ISM2: variants seen among roughly 807,000 people sequenced by gnomAD.
ISM2 encodes the protein isthmin-2.
ISM2 carries 50 observed loss-of-function variants against 58.0 expected under a neutral mutation model. That is an observed-to-expected ratio of 0.86 (90% CI 0.69 to 1.09). ISM2 has a LOEUF of 1.09. ISM2 is among the 50% of genes least tolerant of loss of function. The pLI, the probability that ISM2 is intolerant of heterozygous loss-of-function variation, is 0.00. For synonymous variants in ISM2, 303 were observed against 312.4 expected (o/e 0.97, Z 0.32); for missense variants, 723 against 745.0 (o/e 0.97, Z 0.34).
At chr14:77,482,714 G>A in intron 3 of ISM2, 47 bp from the exon 4 acceptor site, 3 of 1,205,516 alleles carry the variant, frequency 2.5e-6, no homozygotes, top group Non-Finnish European at 3.5e-6. Context: ...TCTTAGAGCT[G>A]CATTCCAAAG....
In ISM2 at chr14:77,476,918, A is replaced by G. The variant is rs141492710; in HGVS notation, c.1199-806T>C. 1.6e-4 allele frequency among the ~76,000 whole-genome samples: 24 copies of G among 152,248 alleles called. No individual in the cohort carries two copies. In the East Asian group the frequency reaches 4.6e-3, roughly 29 times the overall value. On this transcript the variant is annotated intron_variant, in intron 6 of 6. Transcript: ENST00000342219. ...CCGGGCTTGGTGGCGCATGCCTGTA[A>G]TCCCAGCTACTCGGGAGGCTGAGAC...
At position 77,478,562 on chromosome 14, in the gene ISM2, G is replaced by C; in HGVS notation, c.1114+13C>G. The C allele has an allele frequency of 6.2e-7, 1 of 1,609,254 alleles. No individual in the cohort carries two copies. On this transcript the variant is annotated intron_variant, in intron 5 of 6. Coordinates refer to ENST00000342219, the MANE Select transcript of ISM2 (RefSeq NM_199296.3). ...ACCAGCCACTCCTATGCAGGGGTAGGGGCTCATCTCACCAGGACAGGAGGG... is the reference window on the plus strand; with the variant it reads ...ACCAGCCACTCCTATGCAGGGGTAGCGGCTCATCTCACCAGGACAGGAGGG...
chr14:77,497,343 G>T (rs369608386), intron 1 of ISM2, among the ~76,000 whole-genome samples: 4 of 145,922 alleles, frequency 2.7e-5, no homozygotes, highest in African/African-American at 7.5e-5. Flanking sequence ...ACTCCAGCCT[G>T]GGCAACACAA....
At chr14:77,498,191 T>A in intron 1 of ISM2, 1 of 1,217,354 alleles carries the variant, frequency 8.2e-7, no homozygotes, top group Admixed American at 2.7e-5. Context: ...AGAGCCCCAC[T>A]GTGCCTCCGC....
rs766367870 is a variant in ISM2 at position 77,475,920 on chromosome 14, C to T, written c.1391G>A (p.Arg464His). ...CGCCGTGGGCTGGTAGATGTCCAGG[C>T]GCTCGCGAGGGCCACTGGCATCCCT... ...RWRDASGPRE[R>H]LDIYQPTARF... Residue 464 changes from arginine (R) to histidine (H), a missense_variant, in exon 7 of 7, where the codon CGC becomes CAC. Transcript: ENST00000342219. The surrounding 1 kb of genome is among the most constrained non-coding windows in gnomAD (Gnocchi z 4.1). The T allele has an allele frequency of 1.2e-5, 20 of 1,600,494 alleles. No homozygotes were observed. Among genetic ancestry groups the T allele is most frequent in the South Asian group, 4.4e-5 (4 of 91,048 alleles).
Position 77,475,995 on chromosome 14 carries a change from T to C in ISM2, c.1316A>G (p.Asp439Gly), listed in dbSNP as rs1285699264. ...CTCGTCCTGTAGGCTCACAGGGCTG[T>C]CCATGGCCTCCAGTGGGTAGGCACA... ...CPCAYPLEAM[D>G]SPVSLQDEHQ... Residue 439 changes from aspartate to glycine, a missense_variant, in exon 7 of 7, where the codon GAC (aspartate) becomes GGC (glycine). Transcript: ENST00000342219. This position sits in a 1 kb window ranked among gnomAD's most constrained non-coding sequence, Gnocchi z 4.1. 1 of 1,589,150 alleles carries C rather than the reference T, an allele frequency of 6.3e-7. No homozygotes were observed. Among genetic ancestry groups the C allele is most frequent in the Non-Finnish European group, 8.5e-7 (1 of 1,172,350 alleles).
chr14:77,498,081 C>A, intron 1 of ISM2: 1 of 340,850 alleles, frequency 2.9e-6, no homozygotes, highest in South Asian at 2.3e-5. Context: ...CCATGGCCAA[C>A]ACCACTCTTC....
chr14:77,475,819 T>C lies in ISM2; in HGVS notation c.1492A>G (p.Ser498Gly). ...CCCTTGCCACGGGTCAGCAGCCGGC[T>C]GTCCTCGTCATAGCAGCAGTGCTGG... ...AAQHCCYDED[S>G]RLLTRGKGAG... The change falls in exon 7 of 7, where the codon AGC (serine) becomes GGC (glycine). Residue 498 changes from serine (S) to glycine (G), a missense_variant. Ser to Gly is a moderately conservative substitution (Grantham distance 56, BLOSUM62 0). Coordinates refer to ENST00000342219, the MANE Select transcript of ISM2 (RefSeq NM_199296.3). The surrounding 1 kb of genome is among the most constrained non-coding windows in gnomAD (Gnocchi z 4.1). 6.2e-7 allele frequency: 1 copy of C among 1,612,734 alleles called. No individual in the cohort carries two copies. The highest frequency in any genetic ancestry group is 8.5e-7 in the Non-Finnish European group (1 of 1,179,722).
chr14:77,497,465 G>C (rs1167974271), intron 1 of ISM2, among the ~76,000 whole-genome samples: 1 of 151,206 alleles, frequency 6.6e-6, no homozygotes, highest in African/African-American at 2.4e-5. Context: ...CAGGAGGATT[G>C]CTTGAGGTCA....
At chr14:77,487,434 C>G (rs1327000254) in intron 1 of ISM2, among the ~76,000 whole-genome samples, 1 of 152,140 alleles carries the variant, frequency 6.6e-6, no homozygotes, top group African/African-American at 2.4e-5. Context: ...AGGACTAAGC[C>G]TAGCCCAGGC....
rs558966090 is a variant in ISM2, at chr14:77,490,292, C to T, written c.142-5373G>A. Among the ~76,000 whole-genome samples, 9 of 152,354 alleles carry T rather than the reference C, an allele frequency of 5.9e-5. No individual in the cohort carries two copies. In the South Asian group the frequency reaches 1.9e-3, roughly 32 times the overall value. On this transcript the variant is annotated intron_variant, in intron 1 of 6. Coordinates refer to ENST00000342219, the MANE Select transcript of ISM2 (RefSeq NM_199296.3). The stretch of plus-strand genomic sequence containing the variant: ...GATTACAGGCGTGAGCCACTGCACC[C>T]GGCCAAGAAGCCCAACATTTTCATT...
rs1256726952 is a variant in ISM2 at position 77,475,690 on chromosome 14, G to C, written c.1621C>G (p.His541Asp). 1.9e-6 allele frequency: 3 copies of C among 1,613,962 alleles called. No individual in the cohort carries two copies. Among genetic ancestry groups the C allele is most frequent in the African/African-American group, 1.3e-5 (1 of 74,946 alleles). The change falls in exon 7 of 7, where the codon CAC becomes GAC. Residue 541 changes from histidine to aspartate, a missense_variant. Physicochemically the swap from His to Asp is moderately conservative, Grantham distance 81 (BLOSUM62 -1). Coordinates refer to ENST00000342219, the MANE Select transcript of ISM2 (RefSeq NM_199296.3). This position sits in a 1 kb window ranked among gnomAD's most constrained non-coding sequence, Gnocchi z 4.1. The stretch of plus-strand genomic sequence containing the variant: ...CCGTTGTTGGGAGGGAGCACAGCGT[G>C]GAGGCGGCTCCAGTCCCCCTTGCAC... ...ILCKGDWSRL[H>D]AVLPPNNGRA...
intron 1 of ISM2, among the ~76,000 whole-genome samples, chr14:77,486,381 C>A (rs1195499190): frequency 6.6e-6 from 1 of 152,228 alleles, no homozygotes; most frequent in African/African-American, 2.4e-5. Flanking sequence ...CACTAAACGC[C>A]TGGTCCCAGG....
chr14:77,484,093 A>G, intron 3 of ISM2: 1 of 503,404 alleles, frequency 2.0e-6, no homozygotes, highest in Admixed American at 3.5e-5. Context: ...GGTCTAGAGA[A>G]CAAAGGCTCA....
chr14:77,480,280 C>T (rs1376148695), intron 4 of ISM2, among the ~76,000 whole-genome samples: 4 of 149,236 alleles, frequency 2.7e-5, no homozygotes, highest in African/African-American at 9.9e-5. Context: ...TGTCTCACTC[C>T]AGACACAGTG....
At position 77,475,804 on chromosome 14, in the gene ISM2, G is replaced by A. The variant is rs749184036; in HGVS notation, c.1507C>T (p.Arg503Cys). The change falls in exon 7 of 7, where the codon CGT (arginine) becomes TGT (cysteine). Residue 503 changes from arginine (R) to cysteine (C), a missense_variant. Transcript: ENST00000342219. The surrounding 1 kb of genome is among the most constrained non-coding windows in gnomAD (Gnocchi z 4.1). ...CYDEDSRLLT[R>C]GKGAGMPNLI... ...TTGGGCATGCCGGCGCCCTTGCCAC[G>A]GGTCAGCAGCCGGCTGTCCTCGTCA... 27 of 1,613,050 alleles carry A rather than the reference G, an allele frequency of 1.7e-5. No individual in the cohort carries two copies. The highest frequency in any genetic ancestry group is 1.6e-4 in the Middle Eastern group (1 of 6,082).
chr14:77,482,775 T>C, intron 3 of ISM2, 108 bp from the exon 4 acceptor site: 2 of 681,364 alleles, frequency 2.9e-6, no homozygotes, highest in Non-Finnish European at 4.9e-6. Flanking sequence ...CAACCTTTCC[T>C]TCAAACCAGC....
At chr14:77,496,892 A>G (rs1210376707) in intron 1 of ISM2, among the ~76,000 whole-genome samples, 1 of 151,528 alleles carries the variant, frequency 6.6e-6, no homozygotes, top group Non-Finnish European at 1.5e-5. Context: ...GGGGGCAGAA[A>G]AAAAGGTAGC....
chr14:77,476,098 C>T lies in ISM2; in HGVS notation c.1213G>A (p.Glu405Lys), dbSNP rs780666397. The change falls in exon 7 of 7, where the codon GAG becomes AAG. Residue 405 changes from glutamate (E) to lysine (K), a missense_variant. Physicochemically the swap from Glu to Lys is moderately conservative, Grantham distance 56 (BLOSUM62 1). Coordinates refer to ENST00000342219, the MANE Select transcript of ISM2 (RefSeq NM_199296.3). ...TCGCTCTTGCAGTTCAGCCACTTCT[C>T]ACAGCTGTCCACATCTGCAAAGGGC... ...DMHDQDVDSC[E>K]KWLNCKSDFL... The T allele has an allele frequency of 2.6e-5, 39 of 1,519,166 alleles. No homozygotes were observed. Among genetic ancestry groups the T allele is most frequent in the Non-Finnish European group, 3.3e-5 (38 of 1,137,928 alleles). 94.1% of individuals were successfully genotyped at this position (1,519,166 alleles called of 1,614,324 possible).
Sources: gnomAD v4.1 joint callset for allele counts (sites outside exome capture counted in the v4.1 genomes callset) on GRCh38, gnomAD v4.1.1 for gene constraint, Gnocchi (gnomAD v3.1) non-coding constraint, MANE v1.5 for transcripts, NCBI Gene and HGNC (gene_info 2026-07-23, HGNC 2026-07-21) for gene names.